The following C6 variants were observed in gnomAD, a reference collection of about 807,000 sequenced individuals.
C6 encodes the protein complement component C6.
A neutral mutation model predicts 112.9 loss-of-function variants in C6; 101 were observed. The ratio of observed to expected loss-of-function variants is 0.89; its 90% CI spans 0.76 to 1.06. The LOEUF (loss-of-function observed/expected upper bound fraction) is 1.06, where lower values mean the gene tolerates loss of function less well. Ranked by LOEUF, C6 falls within the 50% of genes least tolerant of loss-of-function variation. The probability of loss-of-function intolerance (pLI) is 0.00; values close to 1 mark genes in which losing one functional copy is unlikely to be tolerated. For missense variants in C6, 1,202 were observed against 1,104.6 expected, an observed-to-expected ratio of 1.09 and a Z score of -1.25; for synonymous variants, 431 against 384.1, an observed-to-expected ratio of 1.12 and a Z score of -1.43.
intron 1 of C6, among the ~76,000 whole-genome samples, chr5:41,228,148 A>G (rs1240820761): frequency 6.6e-6 from 1 of 152,026 alleles, no homozygotes; most frequent in African/African-American, 2.4e-5. Flanking sequence ...TTTTTTCAGC[A>G]TTAATATATA....
intron 6 of C6, among the ~76,000 whole-genome samples, chr5:41,183,076 A>G (rs1435411374): frequency 6.6e-6 from 1 of 152,222 alleles, no homozygotes; most frequent in Non-Finnish European, 1.5e-5. Context: ...CTGATTTGCT[A>G]TAGCATTTTT....
At chr5:41,146,176 G>A (rs7708113) in intron 17 of C6, among the ~76,000 whole-genome samples, 5,883 of 152,132 alleles carry the variant, frequency 0.039, 391 homozygotes, top group African/African-American at 0.13. Flanking sequence ...AAAATTTCCC[G>A]TTCCTGTCGG....
chr5:41,159,963 A>G (rs3830070), intron 11 of C6, among the ~76,000 whole-genome samples, 179 bp downstream of exon 11: 23,894 of 152,060 alleles, frequency 0.16, 1,935 homozygotes, highest in East Asian at 0.33. Flanking sequence ...AACTTTCCCA[A>G]GCTCACATAG....
chr5:41,233,838 C>T (rs1740059137), intron 1 of C6, among the ~76,000 whole-genome samples: 1 of 152,020 alleles, frequency 6.6e-6, no homozygotes. Flanking sequence ...TATATGAGAA[C>T]TCCATCTATC....
At chr5:41,166,097 A>G (rs1747951910) in intron 9 of C6, among the ~76,000 whole-genome samples, 1 of 152,136 alleles carries the variant, frequency 6.6e-6, no homozygotes, top group Non-Finnish European at 1.5e-5. Context: ...ATAATTTTAA[A>G]AGCTGAGAAT....
Position 41,159,194 on chromosome 5 carries a change from T to C in C6, c.1744A>G (p.Lys582Glu). The C allele has an allele frequency of 6.2e-7, 1 of 1,613,566 alleles. No homozygotes were observed. Among genetic ancestry groups the C allele is most frequent in the Non-Finnish European group, 8.5e-7 (1 of 1,179,728 alleles). ...TTGCATTCTCGGGTTCTCGATCTCT[T>C]ATAAGTAGCATCACAGGTACTCCAG... is the stretch of plus-strand genomic sequence containing the variant. Reference protein sequence around the residue: ...SSWSTCDATYKRSRTRECNNP... With the variant: ...SSWSTCDATYERSRTRECNNP... The change falls in exon 12 of 18, where the codon AAG becomes GAG. Residue 582 changes from lysine (K) to glutamate (E), a missense_variant. Transcript: ENST00000337836.
intron 9 of C6, among the ~76,000 whole-genome samples, chr5:41,168,993 TC>T (rs1748202603): frequency 6.6e-6 from 1 of 152,062 alleles, no homozygotes; most frequent in African/African-American, 2.4e-5. Flanking sequence ...AGGCAAGGGT[TC>T]CCTAAAGCCT....
At chr5:41,150,799 G>T (rs1224052078) in intron 15 of C6, among the ~76,000 whole-genome samples, 1 of 151,386 alleles carries the variant, frequency 6.6e-6, no homozygotes, top group African/African-American at 2.4e-5. Flanking sequence ...AGGCAAAAGA[G>T]TCACTTGAAC....
rs773673017 is a variant in C6 at position 41,153,985 on chromosome 5, G to A, written c.2115C>T (p.Ile705=). 6.2e-7 allele frequency: 1 copy of A among 1,613,564 alleles called. No homozygotes were observed. Among genetic ancestry groups the A allele is most frequent in the Non-Finnish European group, 8.5e-7 (1 of 1,179,630 alleles). ...TCAGGACTTCCTGCACAACTGGCTTGATGCACTCCGTCCCTGCAAGAGAGC... is the reference window on the plus strand; with the variant it reads ...TCAGGACTTCCTGCACAACTGGCTTAATGCACTCCGTCCCTGCAAGAGAGC... ...GDVECQRTEC[I]KPVVQEVLTI... The change falls in exon 15 of 18, where the codon ATC becomes ATT. Residue 705 remains isoleucine, a synonymous_variant. Transcript: ENST00000337836.
chr5:41,159,841 ATATGTATT>A (rs1173489270), intron 11 of C6, among the ~76,000 whole-genome samples: 4 of 152,158 alleles, frequency 2.6e-5, no homozygotes, highest in Non-Finnish European at 5.9e-5. Context: ...TGAGCATTGT[ATATGTATT>A]CTTGATATAT....
chr5:41,253,758 C>G (rs1554038138), intron 1 of C6, among the ~76,000 whole-genome samples: 1 of 152,102 alleles, frequency 6.6e-6, no homozygotes, highest in Non-Finnish European at 1.5e-5. Flanking sequence ...TCAACATCAA[C>G]AATAAAGAAA....
Position 41,213,518 on chromosome 5 carries a change from A to G in C6, c.-163T>C. On this transcript the variant is annotated 5_prime_UTR_variant, in exon 1 of 18. It removes an upstream start codon present in the reference 5' UTR. Coordinates refer to ENST00000337836, the MANE Select transcript of C6 (RefSeq NM_000065.5). ...CTAGCTAACACAAGGCAATGCTGTC[A>G]TATCCCAGAAGCCTAGCAACACCTA... 5.1e-6 allele frequency: 5 copies of G among 985,376 alleles called. No individual in the cohort carries two copies. Among genetic ancestry groups the G allele is most frequent in the Non-Finnish European group, 6.0e-6 (5 of 829,882 alleles). The allele number at this position is 985,376 out of a possible 1,614,324, so 61.0% of individuals were successfully genotyped here.
At chr5:41,197,650 T>C (rs893153604) in intron 4 of C6, among the ~76,000 whole-genome samples, 7 of 152,122 alleles carry the variant, frequency 4.6e-5, no homozygotes, top group African/African-American at 1.4e-4. Flanking sequence ...TACAAGAAAT[T>C]CTATCCATTT....
chr5:41,191,292 C>G (rs547661741), intron 5 of C6, among the ~76,000 whole-genome samples: 1 of 152,108 alleles, frequency 6.6e-6, no homozygotes, highest in Non-Finnish European at 1.5e-5. Flanking sequence ...GTCTTGAACT[C>G]CTGAACTCAT....
Position 41,195,823 on chromosome 5 carries a change from G to T in C6, c.556C>A (p.Pro186Thr). ...CCCATCAACTGTACACTAGGGATGG[G>T]ATTATACTTCCGTGTGCATACTGCC... ...TKAVCTRKYN[P>T]IPSVQLMGNG... The change falls in exon 5 of 18, where the codon CCC becomes ACC. Residue 186 changes from proline (P) to threonine (T), a missense_variant. Transcript: ENST00000337836. 1 of 1,613,842 alleles carries T rather than the reference G, an allele frequency of 6.2e-7. No individual in the cohort carries two copies. Among genetic ancestry groups the T allele is most frequent in the Non-Finnish European group, 8.5e-7 (1 of 1,179,856 alleles).
chr5:41,186,598 A>G (rs1749787582), intron 5 of C6, among the ~76,000 whole-genome samples: 1 of 152,166 alleles, frequency 6.6e-6, no homozygotes, highest in Admixed American at 6.5e-5. Flanking sequence ...ATTCTAATAG[A>G]GAGCTCATAA....
chr5:41,229,720 C>T (rs566855977), intron 1 of C6, among the ~76,000 whole-genome samples: 33 of 152,216 alleles, frequency 2.2e-4, no homozygotes, highest in Admixed American at 1.4e-3. Context: ...TTCAAATCTT[C>T]GGCTTCCTTA....
chr5:41,246,161 A>T (rs568005852), intron 1 of C6, among the ~76,000 whole-genome samples: 6 of 152,226 alleles, frequency 3.9e-5, no homozygotes, highest in Non-Finnish European at 5.9e-5. Context: ...TGAACTCCAA[A>T]TTTTAGTCCC....
At chr5:41,164,247 T>C (rs1436371675) in intron 9 of C6, among the ~76,000 whole-genome samples, 2 of 152,136 alleles carry the variant, frequency 1.3e-5, no homozygotes, top group African/African-American at 2.4e-5. Context: ...GAAAATGAAA[T>C]AATTCTGTCA....
Sources: gnomAD v4.1 joint callset for allele counts (sites outside exome capture counted in the v4.1 genomes callset) on GRCh38, gnomAD v4.1.1 for gene constraint, MANE v1.5 for transcripts, NCBI Gene and HGNC (gene_info 2026-07-23, HGNC 2026-07-21) for gene names.